ZFHX3: variants seen among roughly 807,000 people sequenced by gnomAD.
ZFHX3 encodes the protein zinc finger homeobox 3, also known as zinc finger homeobox protein 3.
In ZFHX3, 42 loss-of-function variants were observed where a neutral mutation model predicts 279.1. That is an observed-to-expected ratio of 0.15 (90% confidence interval 0.12 to 0.19). ZFHX3 has a LOEUF of 0.19. Ranked by LOEUF, ZFHX3 falls within the 10% of genes least tolerant of loss-of-function variation. The probability of loss-of-function intolerance (pLI) is 1.00; values close to 1 mark genes in which losing one functional copy is unlikely to be tolerated. For synonymous variants in ZFHX3, 2,293 were observed against 1,957.8 expected (o/e 1.17, Z -4.52); for missense variants, 4,981 against 4,754.0 (o/e 1.05, Z -1.40).
intron 3 of ZFHX3, among the ~76,000 whole-genome samples, chr16:73,371,562 C>A (rs2016631032): frequency 6.6e-6 from 1 of 151,830 alleles, no homozygotes; most frequent in Non-Finnish European, 1.5e-5. Flanking sequence ...AGAAGTGGCA[C>A]AGGCAGGGCA....
intron 4 of ZFHX3, among the ~76,000 whole-genome samples, chr16:73,300,851 C>T (rs1012623700): frequency 2.6e-5 from 4 of 152,120 alleles, no homozygotes; most frequent in African/African-American, 4.8e-5. Context: ...TTACCTGTTC[C>T]GAAAGCTGTG....
chr16:73,175,569 A>T (rs1967645472), intron 5 of ZFHX3, among the ~76,000 whole-genome samples: 1 of 152,202 alleles, frequency 6.6e-6, no homozygotes, highest in Admixed American at 6.5e-5. Context: ...TAACACACAC[A>T]AAACATCTAG....
intron 5 of ZFHX3, among the ~76,000 whole-genome samples, chr16:73,194,044 T>G (rs1234126551): frequency 6.6e-6 from 1 of 152,228 alleles, no homozygotes; most frequent in African/African-American, 2.4e-5. Context: ...ACGGCTTGTA[T>G]GACAAATGTT....
At chr16:72,931,713 C>A (rs1959818488) in intron 3 of ZFHX3, among the ~76,000 whole-genome samples, 2 of 152,050 alleles carry the variant, frequency 1.3e-5, no homozygotes, top group African/African-American at 4.8e-5. Context: ...GATACAGCCA[C>A]AAGCAAGGAC....
At chr16:73,683,051 T>G (rs1198554221) in intron 1 of ZFHX3, among the ~76,000 whole-genome samples, 1 of 152,020 alleles carries the variant, frequency 6.6e-6, no homozygotes, top group Non-Finnish European at 1.5e-5. Context: ...AAATAACAAT[T>G]GCATGATTTT....
chr16:73,025,771 A>G lies in ZFHX3; in HGVS notation c.-50+21981T>C, dbSNP rs913631839. 2.0e-5 allele frequency among the ~76,000 whole-genome samples: 3 copies of G among 152,270 alleles called. No individual in the cohort carries two copies. In the East Asian group the frequency reaches 5.8e-4, roughly 29 times the overall value. Reference sequence around the variant, plus strand: ...GAAAAGGCCTGCTCTCCCTGTCTATAAATCACTGGTGGGAAGGAAAGAAAA... The same window carrying G: ...GAAAAGGCCTGCTCTCCCTGTCTATGAATCACTGGTGGGAAGGAAAGAAAA... On this transcript the variant is annotated intron_variant, in intron 1 of 9. Transcript: ENST00000268489.
intron 2 of ZFHX3, among the ~76,000 whole-genome samples, chr16:73,643,241 AT>A (rs57791738): frequency 0.014 from 2,109 of 152,242 alleles, 53 homozygotes; most frequent in African/African-American, 0.048. Context: ...TCCTCACAGA[AT>A]TTTTTTGGGA....
intron 2 of ZFHX3, among the ~76,000 whole-genome samples, chr16:73,657,776 T>G (rs2052737661): frequency 6.6e-6 from 1 of 152,204 alleles, no homozygotes; most frequent in South Asian, 2.1e-4. Context: ...CATGTGTCAG[T>G]ACCTCATTTC....
In ZFHX3 at chr16:73,802,645, C is replaced by G. The variant is rs532847673; in HGVS notation, c.-1608+89006G>C. On this transcript the variant is annotated intron_variant, in intron 1 of 17. Transcript: ENST00000641206. ...AGACTTGAATGTCACACTGTAGGCA[C>G]AAAGTACTAGAAATGGACACTGCTC... Among the ~76,000 whole-genome samples the G allele has an allele frequency of 4.6e-5, 7 of 152,220 alleles. No individual in the cohort carries two copies. In the East Asian group the frequency reaches 1.4e-3, roughly 29 times the overall value.
chr16:73,799,967 G>A (rs1960096304), intron 1 of ZFHX3, among the ~76,000 whole-genome samples: 1 of 152,056 alleles, frequency 6.6e-6, no homozygotes, highest in Non-Finnish European at 1.5e-5. Flanking sequence ...GGCCGAGGAG[G>A]ATCTCCCCGA....
chr16:72,926,392 G>T (rs1959449290), intron 3 of ZFHX3, among the ~76,000 whole-genome samples: 1 of 152,186 alleles, frequency 6.6e-6, no homozygotes, highest in African/African-American at 2.4e-5. Flanking sequence ...AGGTGAAAGA[G>T]CTACAGCGAC....
At chr16:73,800,894 A>G (rs924086506) in intron 1 of ZFHX3, among the ~76,000 whole-genome samples, 7 of 152,170 alleles carry the variant, frequency 4.6e-5, no homozygotes, top group African/African-American at 1.7e-4. Flanking sequence ...ATGATTTCTG[A>G]CACACTGACT....
At chr16:73,032,507 C>T (rs966020618) in intron 1 of ZFHX3, among the ~76,000 whole-genome samples, 8 of 152,076 alleles carry the variant, frequency 5.3e-5, no homozygotes, top group African/African-American at 1.7e-4. Flanking sequence ...ACTTCACGAG[C>T]GCATGCGACA....
At chr16:73,192,339 G>A (rs1252561652) in intron 5 of ZFHX3, among the ~76,000 whole-genome samples, 1 of 152,168 alleles carries the variant, frequency 6.6e-6, no homozygotes, top group Non-Finnish European at 1.5e-5. Context: ...GAGAGGTGCT[G>A]AAACCCAAAC....
intron 3 of ZFHX3, among the ~76,000 whole-genome samples, chr16:73,387,632 C>T (rs1313980347): frequency 6.6e-6 from 1 of 152,068 alleles, no homozygotes; most frequent in Non-Finnish European, 1.5e-5. Context: ...CCCCAAGAGT[C>T]TTTAAATCTG....
intron 2 of ZFHX3, among the ~76,000 whole-genome samples, chr16:73,514,383 T>C (rs1407472239): frequency 6.6e-6 from 1 of 152,250 alleles, no homozygotes; most frequent in Non-Finnish European, 1.5e-5. Context: ...CATTTATTTG[T>C]GGTTACGTGA....
intron 3 of ZFHX3, among the ~76,000 whole-genome samples, chr16:72,911,649 C>T (rs2039320110): frequency 6.6e-6 from 1 of 152,190 alleles, no homozygotes; most frequent in Non-Finnish European, 1.5e-5. Context: ...CCACATGTGA[C>T]TATTTAAATT....
In ZFHX3 at chr16:73,607,547, C is replaced by T. The variant is rs577214348; in HGVS notation, c.-1547+72633G>A. On this transcript the variant is annotated intron_variant, in intron 2 of 17. Coordinates refer to the ZFHX3 transcript ENST00000641206. ...TTTCTTCTATAAAATGCGGAAAATA[C>T]TAGGTATCCCTAATTATCCAACATG... Among the ~76,000 whole-genome samples the T allele has an allele frequency of 5.3e-5, 8 of 152,290 alleles. No homozygotes were observed. In the East Asian group the frequency reaches 1.5e-3, roughly 29 times the overall value.
At chr16:73,645,408 CGCCACACCCG>C (rs1450166243) in intron 2 of ZFHX3, among the ~76,000 whole-genome samples, 1 of 152,144 alleles carries the variant, frequency 6.6e-6, no homozygotes, top group Non-Finnish European at 1.5e-5. Flanking sequence ...AGGCGCCCGC[CGCCACACCCG>C]GCTAATTTTT....
Sources: gnomAD v4.1 joint callset for allele counts (sites outside exome capture counted in the v4.1 genomes callset) on GRCh38, gnomAD v4.1.1 for gene constraint, MANE v1.5 for transcripts, NCBI Gene and HGNC (gene_info 2026-07-23, HGNC 2026-07-21) for gene names.